Variants in MRPS21 observed in about 807,000 individuals in gnomAD.
The protein encoded by MRPS21 is small ribosomal subunit protein bS21m.
MRPS21 carries 8 observed loss-of-function variants against 9.9 expected under a neutral mutation model. The observed-to-expected ratio is 0.81, with a 90% CI of 0.47 to 1.45. The LOEUF is 1.45. Among genes scored for constraint, MRPS21 ranks in the 40% most tolerant of loss-of-function variants. The pLI is 0.00. For synonymous variants in MRPS21, 40 were observed against 40.3 expected (o/e 0.99, Z 0.03); for missense variants, 101 against 118.9 (o/e 0.85, Z 0.70).
At position 150,295,970 on chromosome 1, in the gene MRPS21, T is replaced by TTTA. The variant is rs1428930001; in HGVS notation, c.83+1521_83+1522insTTA. On this transcript the variant is annotated intron_variant, in intron 2 of 2. Transcript: ENST00000614145. ...AGTAATACTTTTTTTTTTTTTTTTT[T>TTTA]AAAACGGAGTCTTGCTCTGTTGCCA... Among the ~76,000 whole-genome samples the TTTA allele has an allele frequency of 6.6e-4, 89 of 134,374 alleles. 1 individual carries two copies. The highest frequency in any genetic ancestry group is 2.3e-3 in the South Asian group (9 of 3,974). 88.2% of individuals were successfully genotyped at this position (134,374 alleles called of 152,430 possible). A position where few individuals can be genotyped will look rare whatever the true frequency, so the allele number is the denominator to read the frequency against.
At chr1:150,294,178 G>A in intron 1 of MRPS21, 157 bp from the exon 2 acceptor site, 1 of 555,190 alleles carries the variant, frequency 1.8e-6, no homozygotes, top group Admixed American at 2.9e-5. Context: ...AAGAGACAAC[G>A]ATTCACGTCT....
chr1:150,294,702 C>T (rs1250240787), intron 2 of MRPS21, among the ~76,000 whole-genome samples: 1 of 151,778 alleles, frequency 6.6e-6, no homozygotes, highest in Non-Finnish European at 1.5e-5. Flanking sequence ...AGTTTCAGAC[C>T]AGCCTGGCCA....
chr1:150,295,231 A>G (rs587643883), intron 2 of MRPS21, among the ~76,000 whole-genome samples: 22 of 152,036 alleles, frequency 1.4e-4, no homozygotes, highest in Non-Finnish European at 2.9e-4. Context: ...CCTGACCTCA[A>G]GTGATCTGCC....
chr1:150,307,905 A>T, intron 2 of MRPS21, 143 bp from the exon 3 acceptor site: 2 of 736,252 alleles, frequency 2.7e-6, no homozygotes, highest in African/African-American at 1.8e-5. Flanking sequence ...CTTTGTAAGT[A>T]GGCAGTTAAT....
At chr1:150,297,724 A>G (rs1037563210) in intron 2 of MRPS21, among the ~76,000 whole-genome samples, 1 of 152,006 alleles carries the variant, frequency 6.6e-6, no homozygotes, top group African/African-American at 2.4e-5. Context: ...CATAACAATT[A>G]TATCCTTGGG....
chr1:150,302,035 T>C (rs1002042691), intron 2 of MRPS21, among the ~76,000 whole-genome samples: 29 of 152,232 alleles, frequency 1.9e-4, no homozygotes, highest in Admixed American at 6.5e-4. Context: ...TTTCTTCTTT[T>C]TCTCTGCTTT....
At position 150,308,410 on chromosome 1, in the gene MRPS21, G is replaced by A; in HGVS notation, c.*182G>A. 1.8e-6 allele frequency: 1 copy of A among 551,882 alleles called. No individual in the cohort carries two copies. Among genetic ancestry groups the A allele is most frequent in the Non-Finnish European group, 3.1e-6 (1 of 327,126 alleles). The allele number at this position is 551,882 out of a possible 1,614,324, so 34.2% of individuals were successfully genotyped here. A position where few individuals can be genotyped will look rare whatever the true frequency, so the allele number is the denominator to read the frequency against. On this transcript the variant is annotated 3_prime_UTR_variant, in exon 3 of 3. Transcript: ENST00000614145. ...AGCAGTGGACCCTGTCTTTTATTAA[G>A]TGAAAGAAGAAACTGAGTCTGAAAG...
chr1:150,294,534 C>T (rs1309405605), intron 2 of MRPS21, 85 bp downstream of exon 2: 33 of 1,154,684 alleles, frequency 2.9e-5, no homozygotes, highest in Non-Finnish European at 4.0e-5. Flanking sequence ...GTTGATTGTT[C>T]TCAAAACAGT....
chr1:150,304,183 C>G (rs1411466503), intron 2 of MRPS21: 2 of 354,096 alleles, frequency 5.6e-6, no homozygotes, highest in Non-Finnish European at 5.7e-6. Context: ...TGGTGGTACG[C>G]CCCTGTAATC....
intron 2 of MRPS21, among the ~76,000 whole-genome samples, chr1:150,301,678 T>A (rs1468023326): frequency 2.0e-5 from 3 of 151,534 alleles, no homozygotes; most frequent in Non-Finnish European, 4.4e-5. Flanking sequence ...TGGTCTCGCC[T>A]CACTGCAACC....
intron 2 of MRPS21, among the ~76,000 whole-genome samples, chr1:150,296,783 A>C (rs1002195444): frequency 1.3e-5 from 2 of 152,170 alleles, no homozygotes; most frequent in South Asian, 4.1e-4. Flanking sequence ...AGAAATGGAA[A>C]GACTTATGGT....
At chr1:150,303,860 T>C (rs1553858017) in intron 2 of MRPS21, 1 of 455,842 alleles carries the variant, frequency 2.2e-6, no homozygotes, top group Non-Finnish European at 4.4e-6. Flanking sequence ...TGGACATTTA[T>C]TAGTCATCTA....
chr1:150,306,833 C>T (rs1376257936), intron 2 of MRPS21, among the ~76,000 whole-genome samples: 9 of 152,014 alleles, frequency 5.9e-5, no homozygotes, highest in Non-Finnish European at 1.2e-4. Context: ...TAAGAATCAC[C>T]CCTAGTGATT....
chr1:150,305,027 G>A (rs897875572), intron 2 of MRPS21: 10 of 394,898 alleles, frequency 2.5e-5, no homozygotes, highest in East Asian at 1.1e-4. Context: ...CAACAAGTGC[G>A]CAACTCCGTC....
chr1:150,304,444 A>G (rs4581308), intron 2 of MRPS21, among the ~76,000 whole-genome samples: 106,952 of 152,096 alleles, frequency 0.7, 38,982 homozygotes, highest in African/African-American at 0.9. Context: ...TGGCACAGCA[A>G]TCTGTGGTGT....
chr1:150,306,319 C>G (rs934610139), intron 2 of MRPS21, among the ~76,000 whole-genome samples: 2 of 151,862 alleles, frequency 1.3e-5, no homozygotes, highest in Non-Finnish European at 2.9e-5. Context: ...AGTCTGTTGC[C>G]CAGGCTGGAG....
At chr1:150,294,073 G>A in intron 1 of MRPS21, 175 bp downstream of exon 1, 2 of 354,702 alleles carry the variant, frequency 5.6e-6, no homozygotes, top group Admixed American at 3.7e-5. Context: ...CTTGTCGCTC[G>A]TGTCCTTCTC....
intron 2 of MRPS21, chr1:150,303,920 T>C (rs1553858034): frequency 2.2e-6 from 1 of 455,982 alleles, no homozygotes; most frequent in East Asian, 6.9e-5. Flanking sequence ...GCCAAGTATT[T>C]TGTTAGGTGC....
In MRPS21 at chr1:150,296,346, C is replaced by T. The variant is rs115206613; in HGVS notation, c.83+1897C>T. On this transcript the variant is annotated intron_variant, in intron 2 of 2. Coordinates refer to ENST00000614145, the MANE Select transcript of MRPS21 (RefSeq NM_031901.6). ...GATTTTGACTTTCTGGTATGACTCACGCGTCATTTTCTTTCCCCAATGTGA... is the reference window on the plus strand; with the variant it reads ...GATTTTGACTTTCTGGTATGACTCATGCGTCATTTTCTTTCCCCAATGTGA... Among the ~76,000 whole-genome samples the T allele has an allele frequency of 1.2e-4, 19 of 152,304 alleles. No homozygotes were observed. The East Asian group carries it at 2.7e-3, about 22-fold the overall frequency.
Sources: allele counts gnomAD v4.1 joint callset (sites outside exome capture counted in the v4.1 genomes callset), GRCh38; gene constraint gnomAD v4.1.1; transcripts MANE v1.5; gene names NCBI Gene and HGNC (gene_info 2026-07-23, HGNC 2026-07-21).